The following SCFD2 variants were observed in gnomAD, a reference collection of about 807,000 sequenced individuals.
The protein encoded by SCFD2 is sec1 family domain-containing protein 2.
In SCFD2, 54 loss-of-function variants were observed where a neutral mutation model predicts 58.9. That is an observed-to-expected ratio of 0.92 (90% confidence interval 0.74 to 1.15). The LOEUF is 1.15. Ranked by LOEUF, SCFD2 falls within the 50% of genes most tolerant of loss-of-function variation. SCFD2 has a pLI of 0.00. For synonymous variants in SCFD2, 321 were observed against 335.9 expected (o/e 0.96, Z 0.49); for missense variants, 805 against 836.6 (o/e 0.96, Z 0.47).
intron 4 of SCFD2, among the ~76,000 whole-genome samples, chr4:53,218,235 T>C (rs1728921490): frequency 6.6e-6 from 1 of 152,294 alleles, no homozygotes; most frequent in African/African-American, 2.4e-5. Context: ...TCCTGAAGAG[T>C]GTTTTCCACC....
intron 5 of SCFD2, among the ~76,000 whole-genome samples, chr4:53,084,663 G>C (rs28810226): frequency 6.6e-6 from 1 of 152,154 alleles, no homozygotes; most frequent in Admixed American, 6.6e-5. Context: ...TGGTCCCTCC[G>C]TTCGGGGTCC....
intron 4 of SCFD2, among the ~76,000 whole-genome samples, chr4:53,211,360 C>G (rs1173959951): frequency 6.6e-6 from 1 of 152,116 alleles, no homozygotes; most frequent in Admixed American, 6.5e-5. Context: ...CCCCTTCCCC[C>G]ATACCTTGCG....
At chr4:52,883,742 C>G (rs1223059906) in intron 8 of SCFD2, among the ~76,000 whole-genome samples, 1 of 152,156 alleles carries the variant, frequency 6.6e-6, no homozygotes, top group Non-Finnish European at 1.5e-5. Flanking sequence ...AGGTCTTGCT[C>G]AAAAAGGCAA....
intron 4 of SCFD2, among the ~76,000 whole-genome samples, chr4:53,179,045 G>A (rs1727448011): frequency 6.6e-6 from 1 of 152,188 alleles, no homozygotes. Context: ...GAAAGTGATG[G>A]GGAGAATGGA....
chr4:52,926,199 C>T (rs1418884851), intron 5 of SCFD2, among the ~76,000 whole-genome samples: 1 of 152,044 alleles, frequency 6.6e-6, no homozygotes, highest in African/African-American at 2.4e-5. Flanking sequence ...CTGTTTGGTT[C>T]TCTCAGGAAA....
chr4:53,347,470 A>T (rs1734090546), intron 2 of SCFD2, among the ~76,000 whole-genome samples: 1 of 152,194 alleles, frequency 6.6e-6, no homozygotes, highest in Non-Finnish European at 1.5e-5. Flanking sequence ...AGAGGAAGAA[A>T]CCAAAATACA....
At chr4:52,952,273 TCACACCCCCATCCC>T (rs1285040895) in intron 5 of SCFD2, among the ~76,000 whole-genome samples, 4 of 56,128 alleles carry the variant, frequency 7.1e-5, no homozygotes. Context: ...CCATCCCCTC[TCACACCCCCATCCC>T]CTCTCACACC....
At chr4:52,953,937 G>C (rs1334230758) in intron 5 of SCFD2, among the ~76,000 whole-genome samples, 3 of 152,128 alleles carry the variant, frequency 2.0e-5, no homozygotes, top group Non-Finnish European at 4.4e-5. Flanking sequence ...TGGACTCCTG[G>C]GCCAGGCTGC....
intron 4 of SCFD2, among the ~76,000 whole-genome samples, chr4:53,164,519 T>A (rs561493139): frequency 6.6e-6 from 1 of 152,020 alleles, no homozygotes. Context: ...ATTGGCAGAA[T>A]GTGGTGTCTC....
At chr4:53,246,559 T>C (rs1730080629) in intron 4 of SCFD2, among the ~76,000 whole-genome samples, 1 of 152,184 alleles carries the variant, frequency 6.6e-6, no homozygotes, top group Admixed American at 6.5e-5. Context: ...TGTGACCATC[T>C]AATCTTTGAC....
At chr4:52,994,080 TTCCTGGGGCA>T (rs1721686319) in intron 5 of SCFD2, among the ~76,000 whole-genome samples, 1 of 152,194 alleles carries the variant, frequency 6.6e-6, no homozygotes, top group Admixed American at 6.5e-5. Flanking sequence ...AGTGGGGCTG[TTCCTGGGGCA>T]TCCTCAGGCC....
chr4:53,297,332 C>T (rs532607062), intron 3 of SCFD2, among the ~76,000 whole-genome samples: 1 of 152,232 alleles, frequency 6.6e-6, no homozygotes, highest in Admixed American at 6.5e-5. Context: ...CTATTGGGTA[C>T]ATATATATTT....
chr4:53,321,332 T>C (rs1345032151), intron 2 of SCFD2, among the ~76,000 whole-genome samples: 1 of 152,000 alleles, frequency 6.6e-6, no homozygotes, highest in Non-Finnish European at 1.5e-5. Flanking sequence ...GAAATATTCA[T>C]CACCAAATAA....
At chr4:52,955,937 T>TAATC (rs1410128983) in intron 5 of SCFD2, 1 of 397,760 alleles carries the variant, frequency 2.5e-6, no homozygotes, top group Non-Finnish European at 5.0e-6. Flanking sequence ...GGACAGAAGA[T>TAATC]AATCCCTTAC....
chr4:52,925,622 C>G (rs1719846350), intron 5 of SCFD2, among the ~76,000 whole-genome samples: 1 of 152,090 alleles, frequency 6.6e-6, no homozygotes, highest in Non-Finnish European at 1.5e-5. Flanking sequence ...TCTAATAAGC[C>G]CCTGACAGGC....
intron 5 of SCFD2, chr4:52,957,611 T>C (rs1473612842): frequency 6.6e-6 from 1 of 152,236 alleles, no homozygotes; most frequent in African/African-American, 2.4e-5. Context: ...CTGTCTCTTT[T>C]GTGGCCTCAC....
At chr4:53,026,077 A>C (rs1722467984) in intron 5 of SCFD2, among the ~76,000 whole-genome samples, 1 of 145,932 alleles carries the variant, frequency 6.9e-6, no homozygotes, top group African/African-American at 2.8e-5. Context: ...TCACCACCAG[A>C]AAAACAACAA....
chr4:52,914,446 C>T (rs888694316), intron 6 of SCFD2, among the ~76,000 whole-genome samples: 4 of 152,184 alleles, frequency 2.6e-5, no homozygotes, highest in Admixed American at 2.6e-4. Flanking sequence ...GAGCTGTCAC[C>T]TTGAAACCAG....
At chr4:53,111,175 G>A (rs113860434) in intron 5 of SCFD2, among the ~76,000 whole-genome samples, 27 of 152,088 alleles carry the variant, frequency 1.8e-4, no homozygotes, top group African/African-American at 5.3e-4. Flanking sequence ...ATCATACACC[G>A]GGGCCTACTG....
Sources: allele counts gnomAD v4.1 joint callset (sites outside exome capture counted in the v4.1 genomes callset), GRCh38; gene constraint gnomAD v4.1.1; transcripts MANE v1.5; gene names NCBI Gene and HGNC (gene_info 2026-07-23, HGNC 2026-07-21).